Variants in MBNL3 observed in about 807,000 individuals in gnomAD.
MBNL3 encodes muscleblind-like protein 3.
In MBNL3, 6 loss-of-function variants were observed where a neutral mutation model predicts 24.5. The ratio of observed to expected loss-of-function variants is 0.25; its 90% CI spans 0.13 to 0.48. The LOEUF is 0.48. MBNL3 is among the 20% of genes least tolerant of loss of function. The pLI, the probability that MBNL3 is intolerant of heterozygous loss-of-function variation, is 0.99. For missense variants in MBNL3, 230 were observed against 293.5 expected, an observed-to-expected ratio of 0.78 and a Z score of 1.58; for synonymous variants, 100 against 101.7, an observed-to-expected ratio of 0.98 and a Z score of 0.10.
intron 7 of MBNL3, 104 bp from the exon 8 acceptor site, chrX:132,382,376 C>G: frequency 1.7e-6 from 1 of 581,389 alleles, no homozygotes; most frequent in South Asian, 3.8e-5. Flanking sequence ...CAGCAACAAG[C>G]CATGTGACAT....
At chrX:132,402,063 TAACTTAGCC>T (rs750867575) in intron 3 of MBNL3, among the ~76,000 whole-genome samples, 3 of 111,786 alleles carry the variant, frequency 2.7e-5, no homozygotes, top group East Asian at 5.6e-4. Context: ...TGGAACTCGG[TAACTTAGCC>T]ACAGGAATGC....
chrX:132,396,452 C>CTA (rs1231418193), intron 3 of MBNL3, among the ~76,000 whole-genome samples: 3 of 67,060 alleles, frequency 4.5e-5, no homozygotes, highest in Admixed American at 2.0e-4. Flanking sequence ...ATATATATTC[C>CTA]TATATATATA....
chrX:132,458,977 C>A (rs1946507726), intron 1 of MBNL3, among the ~76,000 whole-genome samples: 2 of 106,266 alleles, frequency 1.9e-5, no homozygotes, highest in Admixed American at 1.0e-4. Flanking sequence ...CTTAATCACT[C>A]CAGCATGTAC....
At chrX:132,386,233 G>A (rs1936003719) in intron 6 of MBNL3, among the ~76,000 whole-genome samples, 1 of 111,766 alleles carries the variant, frequency 8.9e-6, no homozygotes, top group Non-Finnish European at 1.9e-5. Flanking sequence ...TATGCACTTA[G>A]GGTAGTTTTA....
intron 1 of MBNL3, among the ~76,000 whole-genome samples, chrX:132,474,397 G>A (rs1019772773): frequency 9.0e-6 from 1 of 111,664 alleles, no homozygotes; most frequent in Non-Finnish European, 1.9e-5. Flanking sequence ...TGCCTCTGAA[G>A]CCATTTAAAA....
intron 1 of MBNL3, among the ~76,000 whole-genome samples, chrX:132,443,984 T>TCC (rs762809506): frequency 7.6e-3 from 47 of 6,147 alleles, no homozygotes; most frequent in East Asian, 0.027. Flanking sequence ...GACTCCAGAG[T>TCC]CCGCCCCCCC....
intron 1 of MBNL3, among the ~76,000 whole-genome samples, chrX:132,447,344 C>T (rs1482703356): frequency 2.7e-5 from 3 of 111,656 alleles, no homozygotes; most frequent in Non-Finnish European, 5.6e-5. Context: ...TTACTTTGGG[C>T]AGTATGGCCA....
chrX:132,397,815 A>G (rs996521468), intron 3 of MBNL3, among the ~76,000 whole-genome samples: 3 of 110,791 alleles, frequency 2.7e-5, no homozygotes, highest in African/African-American at 9.8e-5. Flanking sequence ...CTTTCACAGT[A>G]TTTGCTTGGT....
chrX:132,417,454 A>C (rs757946793), intron 2 of MBNL3, among the ~76,000 whole-genome samples: 2 of 112,036 alleles, frequency 1.8e-5, no homozygotes, highest in African/African-American at 3.2e-5. Context: ...GAAAAAAATA[A>C]AGCAAAGAAC....
chrX:132,477,093 A>G (rs1380895929), intron 1 of MBNL3, among the ~76,000 whole-genome samples: 1 of 112,534 alleles, frequency 8.9e-6, no homozygotes, highest in Non-Finnish European at 1.9e-5. Context: ...TCAGGATCAG[A>G]GCATGTATGC....
At chrX:132,486,935 C>G (rs1948040523) in intron 1 of MBNL3, among the ~76,000 whole-genome samples, 1 of 111,662 alleles carries the variant, frequency 9.0e-6, no homozygotes, top group Non-Finnish European at 1.9e-5. Flanking sequence ...TAGAGCAAAA[C>G]ATGCAGTCAC....
intron 1 of MBNL3, among the ~76,000 whole-genome samples, chrX:132,468,591 T>C (rs1603266428): frequency 1.8e-5 from 2 of 112,621 alleles, no homozygotes; most frequent in Middle Eastern, 9.2e-3. Context: ...CTCGTATATA[T>C]TAATTCATTT....
intron 2 of MBNL3, among the ~76,000 whole-genome samples, chrX:132,408,092 C>CTTTTTTTTT (rs60044820): frequency 4.4e-4 from 10 of 22,572 alleles, no homozygotes; most frequent in Non-Finnish European, 5.5e-4. Context: ...GAATTTCAGT[C>CTTTTTTTTT]TTTTTTTTTT....
intron 2 of MBNL3, among the ~76,000 whole-genome samples, chrX:132,427,381 A>G (rs1944392660): frequency 9.0e-6 from 1 of 111,464 alleles, no homozygotes; most frequent in Non-Finnish European, 1.9e-5. Flanking sequence ...GTTAGTAAAA[A>G]AAGTAAAATA....
At chrX:132,386,188 C>A (rs1935988689) in intron 6 of MBNL3, among the ~76,000 whole-genome samples, 1 of 112,012 alleles carries the variant, frequency 8.9e-6, no homozygotes, top group Non-Finnish European at 1.9e-5. Flanking sequence ...GAGTTACAGG[C>A]TAAAACTATC....
chrX:132,426,326 C>G (rs1360024009), intron 2 of MBNL3, among the ~76,000 whole-genome samples: 3 of 112,031 alleles, frequency 2.7e-5, no homozygotes, highest in Non-Finnish European at 5.6e-5. Context: ...GAAATATCCA[C>G]TGCTTTCTAC....
intron 2 of MBNL3, among the ~76,000 whole-genome samples, chrX:132,422,012 A>T (rs958436490): frequency 1.8e-5 from 2 of 111,781 alleles, no homozygotes; most frequent in South Asian, 3.7e-4. Context: ...TCTCATTAGA[A>T]AACTGTTTAT....
chrX:132,420,353 A>G (rs1377531578), intron 2 of MBNL3, among the ~76,000 whole-genome samples: 1 of 111,228 alleles, frequency 9.0e-6, no homozygotes, highest in East Asian at 2.8e-4. Flanking sequence ...CGACGGCGGC[A>G]AACAGCAGTG....
Position 132,378,104 on chromosome X carries a change from A to G in MBNL3, c.*1562T>C, listed in dbSNP as rs1473654748. ...ACCCTTTCTATTGTCATTTTCAAACATATATAAAGGCAAACGAATCCAAAC... is the reference window on the plus strand; with the variant it reads ...ACCCTTTCTATTGTCATTTTCAAACGTATATAAAGGCAAACGAATCCAAAC... On this transcript the variant is annotated 3_prime_UTR_variant, in exon 9 of 9. Transcript: ENST00000370853. The G allele has an allele frequency of 2.7e-5, 3 of 110,615 alleles. No homozygotes were observed. The highest frequency in any genetic ancestry group is 9.8e-5 in the African/African-American group (3 of 30,484). The allele number at this position is 110,615 out of a possible 1,213,427, so 9.1% of individuals were successfully genotyped here.
Sources: allele counts gnomAD v4.1 joint callset (sites outside exome capture counted in the v4.1 genomes callset), GRCh38; gene constraint gnomAD v4.1.1; transcripts MANE v1.5; gene names NCBI Gene and HGNC (gene_info 2026-07-23, HGNC 2026-07-21).